Variants in VPS13B observed in about 807,000 individuals in gnomAD.
VPS13B encodes intermembrane lipid transfer protein VPS13B.
A neutral mutation model predicts 426.4 loss-of-function variants in VPS13B; 285 were observed. The ratio of observed to expected loss-of-function variants is 0.67; its 90% CI spans 0.61 to 0.74. The LOEUF (loss-of-function observed/expected upper bound fraction) is 0.74, where lower values mean the gene tolerates loss of function less well. Ranked by LOEUF, VPS13B falls within the 30% of genes least tolerant of loss-of-function variation. The probability of loss-of-function intolerance (pLI) is 0.00; values close to 1 mark genes in which losing one functional copy is unlikely to be tolerated. For synonymous variants in VPS13B, 1,676 were observed against 1,676.4 expected (o/e 1.00, Z 0.01); for missense variants, 4,537 against 4,782.6 (o/e 0.95, Z 1.51).
At chr8:99,868,774 G>T (rs1817238000) in intron 59 of VPS13B, among the ~76,000 whole-genome samples, 1 of 152,228 alleles carries the variant, frequency 6.6e-6, no homozygotes, top group Non-Finnish European at 1.5e-5. Context: ...AAAGAATTAA[G>T]ACTTTTTCCT....
Position 99,314,883 on chromosome 8 carries a change from T to A in VPS13B, c.2824+39629T>A, listed in dbSNP as rs1821223861. Among the ~76,000 whole-genome samples, 3 of 152,236 alleles carry A rather than the reference T, an allele frequency of 2.0e-5. No homozygotes were observed. The South Asian group carries it at 6.2e-4, about 32-fold the overall frequency. On this transcript the variant is annotated intron_variant, in intron 19 of 61. Transcript: ENST00000357162. ...ATCCCCTTATTATTATATTATGACCTTCTTTGTGTCTTTTTACTGGTTTTG... is the reference window on the plus strand; with the variant it reads ...ATCCCCTTATTATTATATTATGACCATCTTTGTGTCTTTTTACTGGTTTTG...
At chr8:99,034,363 G>T (rs1842646113) in intron 2 of VPS13B, among the ~76,000 whole-genome samples, 1 of 151,386 alleles carries the variant, frequency 6.6e-6, no homozygotes, top group South Asian at 2.1e-4. Context: ...TTTGGCATGG[G>T]ATATATACAT....
chr8:99,345,857 T>C (rs1007201868), intron 19 of VPS13B, among the ~76,000 whole-genome samples: 6 of 152,222 alleles, frequency 3.9e-5, no homozygotes, highest in African/African-American at 1.4e-4. Context: ...CCTCCAACCA[T>C]GAGTTATTCT....
chr8:99,345,539 A>AT (rs1811491609), intron 19 of VPS13B, among the ~76,000 whole-genome samples: 1 of 152,190 alleles, frequency 6.6e-6, no homozygotes, highest in East Asian at 1.9e-4. Context: ...ATTATTTAAA[A>AT]TTGTAAAACC....
At chr8:99,816,499 A>T (rs1814049066) in intron 44 of VPS13B, among the ~76,000 whole-genome samples, 2 of 152,196 alleles carry the variant, frequency 1.3e-5, no homozygotes, top group Non-Finnish European at 2.9e-5. Context: ...CTGTGTGTTT[A>T]TAAAGATAAA....
intron 16 of VPS13B, among the ~76,000 whole-genome samples, chr8:99,182,704 A>G (rs931736241): frequency 6.6e-6 from 1 of 152,194 alleles, no homozygotes; most frequent in African/African-American, 2.4e-5. Context: ...AAGGAGTTAC[A>G]AATATGTTAA....
At chr8:99,149,392 A>G (rs1244817443) in intron 14 of VPS13B, among the ~76,000 whole-genome samples, 1 of 152,224 alleles carries the variant, frequency 6.6e-6, no homozygotes, top group African/African-American at 2.4e-5. Flanking sequence ...ATCTCAGTTC[A>G]CTGCAACCTA....
At chr8:99,788,150 A>G (rs1209547814) in intron 43 of VPS13B, among the ~76,000 whole-genome samples, 1 of 152,002 alleles carries the variant, frequency 6.6e-6, no homozygotes, top group Non-Finnish European at 1.5e-5. Flanking sequence ...TGAGGCCAGA[A>G]CTTCTCAAGA....
intron 17 of VPS13B, among the ~76,000 whole-genome samples, chr8:99,215,835 C>T (rs556638148): frequency 6.6e-6 from 1 of 152,126 alleles, no homozygotes; most frequent in South Asian, 2.1e-4. Context: ...ACATAGCAAA[C>T]CACTCTTATC....
chr8:99,559,645 A>G (rs1333972371), intron 31 of VPS13B, among the ~76,000 whole-genome samples: 2 of 152,098 alleles, frequency 1.3e-5, no homozygotes, highest in African/African-American at 4.8e-5. Context: ...TTTTCCCAGC[A>G]CCATTTATTA....
At chr8:99,761,283 A>G (rs1189243107) in intron 39 of VPS13B, among the ~76,000 whole-genome samples, 1 of 152,218 alleles carries the variant, frequency 6.6e-6, no homozygotes, top group East Asian at 1.9e-4. Context: ...TTCCAGCTGA[A>G]GTATGTAACT....
intron 29 of VPS13B, among the ~76,000 whole-genome samples, chr8:99,512,464 A>C (rs547238363): frequency 2.0e-5 from 3 of 152,248 alleles, no homozygotes; most frequent in Non-Finnish European, 4.4e-5. Context: ...TTAAGTTTAC[A>C]TAGGTTAGAA....
At chr8:99,873,329 G>GAGAT (rs1206763559) in intron 61 of VPS13B, 1 of 152,176 alleles carries the variant, frequency 6.6e-6, no homozygotes, top group Non-Finnish European at 1.5e-5. Flanking sequence ...CCTAGGGGTT[G>GAGAT]AGATAGTATC....
chr8:99,368,588 A>G (rs1293426030), intron 19 of VPS13B, among the ~76,000 whole-genome samples: 1 of 152,172 alleles, frequency 6.6e-6, no homozygotes, highest in Non-Finnish European at 1.5e-5. Flanking sequence ...ATTTTTAGAA[A>G]TCTGTTACTC....
chr8:99,153,680 GTAAT>G (rs1471227906), intron 14 of VPS13B, among the ~76,000 whole-genome samples: 2 of 151,878 alleles, frequency 1.3e-5, no homozygotes, highest in Admixed American at 6.6e-5. Flanking sequence ...ACAATCATAC[GTAAT>G]TACTTATTAC....
chr8:99,834,168 G>C (rs562698698), intron 52 of VPS13B, among the ~76,000 whole-genome samples: 1 of 152,320 alleles, frequency 6.6e-6, no homozygotes, highest in Admixed American at 6.5e-5. Flanking sequence ...ACCCCTTTTA[G>C]TCAGCTGAGG....
At chr8:99,037,330 T>A (rs1842790355) in intron 2 of VPS13B, among the ~76,000 whole-genome samples, 1 of 151,988 alleles carries the variant, frequency 6.6e-6, no homozygotes, top group Admixed American at 6.6e-5. Context: ...ATAATAATAA[T>A]AATAAGCACC....
chr8:99,559,257 G>A (rs1352697448), intron 31 of VPS13B, among the ~76,000 whole-genome samples: 1 of 152,110 alleles, frequency 6.6e-6, no homozygotes, highest in Non-Finnish European at 1.5e-5. Flanking sequence ...GGGGTTATTT[G>A]ATTTTTTGTT....
intron 33 of VPS13B, among the ~76,000 whole-genome samples, chr8:99,617,461 G>T (rs1443223886): frequency 6.6e-6 from 1 of 152,048 alleles, no homozygotes; most frequent in Non-Finnish European, 1.5e-5. Flanking sequence ...CCTAGTAGCT[G>T]GGATATGGGC....
Sources: allele counts gnomAD v4.1 joint callset (sites outside exome capture counted in the v4.1 genomes callset), GRCh38; gene constraint gnomAD v4.1.1; transcripts MANE v1.5; gene names NCBI Gene and HGNC (gene_info 2026-07-23, HGNC 2026-07-21).